Variants in SUCO observed in about 807,000 individuals in gnomAD.
The protein encoded by SUCO is SUN domain containing ossification factor.
Under a neutral mutation model 148.1 loss-of-function variants are expected in SUCO, and 57 were observed. The observed-to-expected ratio is 0.38, with a 90% CI of 0.31 to 0.48. SUCO has a LOEUF of 0.48. Among genes scored for constraint, SUCO ranks in the 20% least tolerant of loss-of-function variants. SUCO has a pLI of 0.96. For synonymous variants in SUCO, 470 were observed against 502.7 expected (o/e 0.93, Z 0.87); for missense variants, 1,331 against 1,468.2 (o/e 0.91, Z 1.53).
At chr1:172,568,700 C>A (rs906466390) in intron 6 of SUCO, among the ~76,000 whole-genome samples, 1 of 152,060 alleles carries the variant, frequency 6.6e-6, no homozygotes, top group African/African-American at 2.4e-5. Context: ...GGCAAGTATA[C>A]AATTTATTCA....
chr1:172,570,424 T>C (rs1654873135), intron 8 of SUCO: 1 of 493,188 alleles, frequency 2.0e-6, no homozygotes, highest in Non-Finnish European at 3.6e-6. Flanking sequence ...AATATTATTT[T>C]TTTCTTTAAA....
intron 23 of SUCO, chr1:172,609,238 A>C (rs1343114065): frequency 3.0e-6 from 3 of 984,696 alleles, no homozygotes; most frequent in Middle Eastern, 5.2e-4. Context: ...TAATAAAAAA[A>C]CAGCAACTCA....
At chr1:172,572,899 T>C (rs1206004024) in intron 9 of SUCO, among the ~76,000 whole-genome samples, 1 of 152,054 alleles carries the variant, frequency 6.6e-6, no homozygotes, top group Non-Finnish European at 1.5e-5. Context: ...TCATGGGTAT[T>C]TATTTTCCGC....
In SUCO at chr1:172,542,838, G is replaced by A. The variant is rs544625148; in HGVS notation, c.63-8674G>A. 4.1e-6 allele frequency: 4 copies of A among 985,440 alleles called. No homozygotes were observed. In the South Asian group the frequency reaches 1.9e-4, roughly 46 times the overall value. The allele number at this position is 985,440 out of a possible 1,614,324, so 61.0% of individuals were successfully genotyped here. A position where few individuals can be genotyped will look rare whatever the true frequency, so the allele number is the denominator to read the frequency against. On this transcript the variant is annotated intron_variant, in intron 1 of 23. Coordinates refer to ENST00000263688, the MANE Select transcript of SUCO (RefSeq NM_014283.5). ...GGAAACTGGAAAGGATGGATGGAAA[G>A]AGATTTAAGGAAGTCATTTAAGTGG... is the stretch of plus-strand genomic sequence containing the variant.
At chr1:172,546,957 G>A (rs1194991791) in intron 1 of SUCO, among the ~76,000 whole-genome samples, 2 of 152,216 alleles carry the variant, frequency 1.3e-5, no homozygotes, top group Admixed American at 1.3e-4. Flanking sequence ...CTGTATAGTT[G>A]GATCAGTTTT....
At chr1:172,533,035 T>C, upstream of SUCO, 3 of 1,433,744 alleles carry the variant, frequency 2.1e-6, no homozygotes, top group Non-Finnish European at 2.7e-6. Flanking sequence ...CCTTTCCAGC[T>C]CAGCGGTGTG....
chr1:172,559,906 A>G (rs1342522477), intron 6 of SUCO, among the ~76,000 whole-genome samples: 1 of 152,146 alleles, frequency 6.6e-6, no homozygotes, highest in Admixed American at 6.5e-5. Flanking sequence ...CTGATGTCCA[A>G]GACCCGCCTC....
intron 1 of SUCO, among the ~76,000 whole-genome samples, chr1:172,539,836 T>C (rs1652312916): frequency 6.6e-6 from 1 of 152,240 alleles, no homozygotes; most frequent in Admixed American, 6.5e-5. Context: ...TATTATTTGA[T>C]TATTCACAAT....
intron 6 of SUCO, 26 bp downstream of exon 6, chr1:172,557,820 T>G: frequency 1.3e-6 from 2 of 1,524,562 alleles, no homozygotes; most frequent in Non-Finnish European, 1.8e-6. Flanking sequence ...GCACTATCTC[T>G]TACTTCTTTA....
At chr1:172,561,021 G>A (rs1301704066) in intron 6 of SUCO, among the ~76,000 whole-genome samples, 1 of 152,248 alleles carries the variant, frequency 6.6e-6, no homozygotes, top group Admixed American at 6.5e-5. Context: ...CACCTTCCCA[G>A]ACTAGATAGT....
Position 172,559,288 on chromosome 1 carries a change from C to G in SUCO, c.732+1494C>G, listed in dbSNP as rs182573949. 1.1e-4 allele frequency among the ~76,000 whole-genome samples: 17 copies of G among 152,302 alleles called. No individual in the cohort carries two copies. The East Asian group carries it at 3.1e-3, about 28-fold the overall frequency. The stretch of plus-strand genomic sequence containing the variant: ...TGTTGCTAGGAGGATATAGTGATTT[C>G]TTTGGCTGGGCTTCAAAGGGTAAAT... On this transcript the variant is annotated intron_variant, in intron 6 of 23. Transcript: ENST00000263688.
At chr1:172,578,932 A>G (rs1161288774) in intron 14 of SUCO, among the ~76,000 whole-genome samples, 1 of 152,058 alleles carries the variant, frequency 6.6e-6, no homozygotes, top group Non-Finnish European at 1.5e-5. Flanking sequence ...GAGTTGGTAA[A>G]GTATATTGAA....
At chr1:172,548,101 T>C (rs570905879) in intron 1 of SUCO, among the ~76,000 whole-genome samples, 1 of 152,170 alleles carries the variant, frequency 6.6e-6, no homozygotes, top group Non-Finnish European at 1.5e-5. Flanking sequence ...TTCTCCTGTG[T>C]GTGAGAAGTT....
intron 17 of SUCO, among the ~76,000 whole-genome samples, chr1:172,587,510 C>T (rs1451305450): frequency 6.6e-6 from 1 of 151,954 alleles, no homozygotes; most frequent in Non-Finnish European, 1.5e-5. Flanking sequence ...CTTGTTTTTA[C>T]TGTCATAAAT....
At chr1:172,587,962 A>G (rs1207574096) in intron 17 of SUCO, 1 of 399,830 alleles carries the variant, frequency 2.5e-6, no homozygotes, top group East Asian at 1.6e-4. Flanking sequence ...TGTATGCCAC[A>G]TACATACTCC....
At chr1:172,581,352 G>A (rs1481869220) in intron 15 of SUCO, among the ~76,000 whole-genome samples, 1 of 152,088 alleles carries the variant, frequency 6.6e-6, no homozygotes, top group African/African-American at 2.4e-5. Context: ...AAGATGGGTG[G>A]GAGGATGTCA....
At chr1:172,608,665 T>C (rs1454808976) in intron 22 of SUCO, 82 bp from the exon 23 acceptor site, 12 of 897,232 alleles carry the variant, frequency 1.3e-5, no homozygotes, top group Non-Finnish European at 2.2e-5. Flanking sequence ...GAATGATTTG[T>C]CTTATTTTAG....
chr1:172,595,637 A>C (rs921893561), intron 19 of SUCO, among the ~76,000 whole-genome samples: 1 of 152,228 alleles, frequency 6.6e-6, no homozygotes, highest in African/African-American at 2.4e-5. Context: ...AGTTTCTGCC[A>C]AGAGATCCAC....
At chr1:172,579,757 C>T (rs1049842007) in intron 15 of SUCO, among the ~76,000 whole-genome samples, 3 of 151,968 alleles carry the variant, frequency 2.0e-5, no homozygotes, top group Admixed American at 6.6e-5. Context: ...ATTCCAAAGT[C>T]GAATCCCAAC....
Sources: allele counts gnomAD v4.1 joint callset (sites outside exome capture counted in the v4.1 genomes callset), GRCh38; gene constraint gnomAD v4.1.1; transcripts MANE v1.5; gene names NCBI Gene and HGNC (gene_info 2026-07-23, HGNC 2026-07-21).